GAB3: variants seen among roughly 807,000 people sequenced by gnomAD.
The protein encoded by GAB3 is GRB2-associated-binding protein 3.
A neutral mutation model predicts 40.4 loss-of-function variants in GAB3; 12 were observed. That is an observed-to-expected ratio of 0.30 (90% CI 0.19 to 0.48). The LOEUF is 0.48. GAB3 is among the 20% of genes least tolerant of loss of function. GAB3 has a pLI of 0.99. For missense variants in GAB3, 381 were observed against 461.9 expected (o/e 0.82, Z 1.61); for synonymous variants, 154 against 176.7 (o/e 0.87, Z 1.02).
In GAB3 at chrX:154,716,028, G is replaced by A. The variant is rs2071040219; in HGVS notation, c.374C>T (p.Ala125Val). 8.3e-7 allele frequency: 1 copy of A among 1,206,037 alleles called. No homozygotes were observed. Among genetic ancestry groups the A allele is most frequent in the South Asian group, 1.8e-5 (1 of 56,078 alleles). Reference protein sequence around the residue: ...VCNLGHLEDGAADSMESLSYT... With the variant: ...VCNLGHLEDGVADSMESLSYT... Reference sequence around the variant, plus strand: ...GGGAGCCCCAACTCCGCTCTTACCTGCACCATCCTCCAGGTGGCCAAGGTT... The same window carrying A: ...GGGAGCCCCAACTCCGCTCTTACCTACACCATCCTCCAGGTGGCCAAGGTT... Residue 125 changes from alanine (A) to valine (V), a missense_variant and splice_region_variant, in exon 2 of 10, where the codon GCA (alanine) becomes GTA (valine). Physicochemically the swap from Ala to Val is moderately conservative, Grantham distance 64. Around this residue, in one of 2 missense-constraint regions of GAB3, gnomAD observed 364 missense variants for 421.0 expected, o/e 0.86. Transcript: ENST00000424127.
chrX:154,680,283 T>C (rs781805710), intron 8 of GAB3, 35 bp from the exon 9 acceptor site: 13 of 1,039,842 alleles, frequency 1.3e-5, no homozygotes, highest in Non-Finnish European at 1.5e-5. Context: ...AGGTTAATGA[T>C]GTCTATCTTG....
At chrX:154,708,223 C>T (rs1382214334) in intron 4 of GAB3, among the ~76,000 whole-genome samples, 1 of 111,986 alleles carries the variant, frequency 8.9e-6, no homozygotes. Context: ...AAAAAATTAA[C>T]TTGAAATGGA....
intron 1 of GAB3, among the ~76,000 whole-genome samples, chrX:154,740,695 C>T (rs1347603779): frequency 8.9e-6 from 1 of 111,738 alleles, no homozygotes; most frequent in East Asian, 2.8e-4. Context: ...GCCCACGACC[C>T]AGAAAACAAG....
At chrX:154,729,589 G>C (rs1273363726) in intron 1 of GAB3, among the ~76,000 whole-genome samples, 1 of 111,978 alleles carries the variant, frequency 8.9e-6, no homozygotes, top group East Asian at 2.8e-4. Flanking sequence ...GGCCACCAGG[G>C]AGAGGAAAGG....
At chrX:154,704,487 C>T (rs1042524734) in intron 4 of GAB3, among the ~76,000 whole-genome samples, 1 of 110,817 alleles carries the variant, frequency 9.0e-6, no homozygotes, top group Non-Finnish European at 1.9e-5. Context: ...ATCTCATGTA[C>T]CCTGTAAATA....
intron 8 of GAB3, among the ~76,000 whole-genome samples, chrX:154,680,880 T>C (rs2070363313): frequency 8.9e-6 from 1 of 112,748 alleles, no homozygotes; most frequent in African/African-American, 3.2e-5. Context: ...TCACATTGTA[T>C]GCATTTTGGG....
At position 154,676,247 on chromosome X, in the gene GAB3, T is replaced by C. The variant is rs1306387113; in HGVS notation, c.*1931A>G. On this transcript the variant is annotated 3_prime_UTR_variant, in exon 10 of 10. Transcript: ENST00000424127. ...TCTATCTCCAATCTGGTGTGGTTCTTGACACTTGGGCCTACAATTTTTTTT... is the reference window on the plus strand; with the variant it reads ...TCTATCTCCAATCTGGTGTGGTTCTCGACACTTGGGCCTACAATTTTTTTT... 8.0e-5 allele frequency: 9 copies of C among 112,233 alleles called. No individual in the cohort carries two copies. The highest frequency in any genetic ancestry group is 2.9e-4 in the African/African-American group (9 of 30,844). The allele number at this position is 112,233 out of a possible 1,213,427, so 9.2% of individuals were successfully genotyped here.
intron 1 of GAB3, among the ~76,000 whole-genome samples, chrX:154,721,534 G>C (rs1451228556): frequency 8.9e-6 from 1 of 111,783 alleles, no homozygotes; most frequent in Non-Finnish European, 1.9e-5. Context: ...CATTCATGAG[G>C]GCTGACTTCA....
chrX:154,683,296 T>A (rs1421358521), intron 8 of GAB3, among the ~76,000 whole-genome samples: 1 of 112,253 alleles, frequency 8.9e-6, no homozygotes, highest in East Asian at 2.8e-4. Context: ...TATTTTCTAA[T>A]CTCCAAACTC....
chrX:154,701,565 G>A (rs191742314), intron 4 of GAB3, among the ~76,000 whole-genome samples: 1 of 112,110 alleles, frequency 8.9e-6, no homozygotes, highest in Admixed American at 9.4e-5. Context: ...ATGGCCTGGG[G>A]TGGTGATAGC....
Position 154,722,265 on chromosome X carries a change from T to TA in GAB3, c.73-5937dup, listed in dbSNP as rs201753463. On this transcript the variant is annotated intron_variant, in intron 1 of 9. Coordinates refer to ENST00000424127, the MANE Select transcript of GAB3 (RefSeq NM_001081573.3). ...GTACTGTGGTATATTTATAAATATATAAAAAAAAAACTGGTTACCAGGGAC... is the reference window on the plus strand; with the variant it reads ...GTACTGTGGTATATTTATAAATATATAAAAAAAAAAACTGGTTACCAGGGAC... Among the ~76,000 whole-genome samples the TA allele has an allele frequency of 3.1e-3, 327 of 104,928 alleles. 2 individuals are homozygous for TA. Among genetic ancestry groups the TA allele is most frequent in the East Asian group, 5.9e-3 (20 of 3,366 alleles). The allele number at this position is 104,928 out of a possible 115,157, so 91.1% of individuals were successfully genotyped here.
intron 1 of GAB3, among the ~76,000 whole-genome samples, chrX:154,741,643 T>C (rs1029833234): frequency 2.1e-5 from 2 of 94,099 alleles, no homozygotes; most frequent in Non-Finnish European, 4.1e-5. Context: ...GTCACTGCAC[T>C]CTAGCCTGGG....
intron 1 of GAB3, among the ~76,000 whole-genome samples, chrX:154,724,683 T>C (rs782723682): frequency 2.0e-4 from 23 of 112,720 alleles, no homozygotes; most frequent in Admixed American, 1.7e-3. Context: ...AAGGTGTGTT[T>C]AGGTCACAGG....
chrX:154,747,351 A>G (rs2071544061), intron 1 of GAB3, among the ~76,000 whole-genome samples: 1 of 112,661 alleles, frequency 8.9e-6, no homozygotes, highest in Non-Finnish European at 1.9e-5. Context: ...AAATCAATGG[A>G]ATAAAGGCAG....
chrX:154,730,792 C>T (rs187915781), intron 1 of GAB3, among the ~76,000 whole-genome samples: 3 of 111,977 alleles, frequency 2.7e-5, no homozygotes, highest in East Asian at 2.8e-4. Context: ...CTGGGATTGC[C>T]GGTGACCTTT....
chrX:154,731,419 G>A (rs1557259966), intron 1 of GAB3, among the ~76,000 whole-genome samples: 2 of 111,838 alleles, frequency 1.8e-5, no homozygotes, highest in Non-Finnish European at 3.8e-5. Context: ...AGACCAATGT[G>A]GTTGAGGGGA....
intron 1 of GAB3, among the ~76,000 whole-genome samples, chrX:154,728,876 C>A (rs781813490): frequency 8.9e-6 from 1 of 112,225 alleles, no homozygotes; most frequent in African/African-American, 3.2e-5. Flanking sequence ...TATAAAGGGG[C>A]AACACAGGGG....
upstream of GAB3, chrX:154,751,448 GTC>G (rs1557262706): frequency 1.5e-6 from 1 of 685,334 alleles, no homozygotes; most frequent in Non-Finnish European, 1.7e-6. Flanking sequence ...AAACGGGCTG[GTC>G]CCTGGGTCTC....
chrX:154,683,561 C>G (rs1195308263), intron 8 of GAB3, among the ~76,000 whole-genome samples: 1 of 111,696 alleles, frequency 9.0e-6, no homozygotes, highest in African/African-American at 3.3e-5. Context: ...TGGAATTTAC[C>G]TGATGCCTTT....
Sources: allele counts gnomAD v4.1 joint callset (sites outside exome capture counted in the v4.1 genomes callset), GRCh38; gene constraint gnomAD v4.1.1; regional missense constraint gnomAD v4.1.1; transcripts MANE v1.5; gene names NCBI Gene and HGNC (gene_info 2026-07-23, HGNC 2026-07-21).